Variants in IL1RAP observed in about 807,000 individuals in gnomAD.
The protein encoded by IL1RAP is interleukin-1 receptor accessory protein.
IL1RAP carries 35 observed loss-of-function variants against 60.7 expected under a neutral mutation model. The observed-to-expected ratio is 0.58, with a 90% confidence interval of 0.44 to 0.76. IL1RAP has a LOEUF of 0.76. IL1RAP is among the 30% of genes least tolerant of loss of function. IL1RAP has a pLI of 0.00. For synonymous variants in IL1RAP, 268 were observed against 250.9 expected, an observed-to-expected ratio of 1.07 and a Z score of -0.64; for missense variants, 572 against 693.9, an observed-to-expected ratio of 0.82 and a Z score of 1.97.
Position 190,650,055 on chromosome 3 carries a change from C to T in IL1RAP, c.*1350C>T. 1.6e-6 allele frequency: 1 copy of T among 633,402 alleles called. No homozygotes were observed. The highest frequency in any genetic ancestry group is 2.0e-6 in the Non-Finnish European group (1 of 509,660). 39.2% of individuals were successfully genotyped at this position (633,402 alleles called of 1,614,324 possible). ...ATCTGTGTATATAAATCCACATGCA[C>T]ATGAAATATATATATATATATAATT... On this transcript the variant is annotated 3_prime_UTR_variant, in exon 12 of 12. Transcript: ENST00000447382.
At chr3:190,627,279 GTTTT>G in intron 7 of IL1RAP, 40 bp from the exon 8 acceptor site, 2 of 1,439,408 alleles carry the variant, frequency 1.4e-6, no homozygotes, top group Non-Finnish European at 1.9e-6. Context: ...GTTTTGTTTT[GTTTT>G]GTTTTTTGTT....
At chr3:190,534,974 G>C (rs553505427) in intron 1 of IL1RAP, among the ~76,000 whole-genome samples, 2 of 150,834 alleles carry the variant, frequency 1.3e-5, no homozygotes, top group South Asian at 4.2e-4. Context: ...AGGAAAATGA[G>C]AGTCCTCTGT....
chr3:190,596,426 A>AGCCCTAGAG (rs1729386573), intron 3 of IL1RAP, among the ~76,000 whole-genome samples: 1 of 152,110 alleles, frequency 6.6e-6, no homozygotes, highest in Non-Finnish European at 1.5e-5. Flanking sequence ...CTGGCATGTA[A>AGCCCTAGAG]TGTGGGAATG....
In IL1RAP at chr3:190,627,305, T is replaced by C. The variant is rs781059664; in HGVS notation, c.776-18T>C. 11 of 1,452,998 alleles carry C rather than the reference T, an allele frequency of 7.6e-6. No individual in the cohort carries two copies. Among genetic ancestry groups the C allele is most frequent in the Non-Finnish European group, 8.1e-6 (9 of 1,117,228 alleles). The allele number at this position is 1,452,998 out of a possible 1,614,324, so 90.0% of individuals were successfully genotyped here. On this transcript the variant is annotated intron_variant, in intron 7 of 11. Coordinates refer to ENST00000447382, the MANE Select transcript of IL1RAP (RefSeq NM_002182.4). The stretch of plus-strand genomic sequence containing the variant: ...TTTTGTTTTTTGTTTTTTTTGTTTT[T>C]TTGGTTTTTTTTTTCAGGAGAGGAG...
Position 190,651,187 on chromosome 3 carries a change from G to GT in IL1RAP, c.*2486dup. On this transcript the variant is annotated 3_prime_UTR_variant, in exon 12 of 12. Transcript: ENST00000447382. ...CAAATTTTTTTAAAAAAAATTAATGGTTTTAAATATATGCTATAGGGACGT... is the reference window on the plus strand; with the variant it reads ...CAAATTTTTTTAAAAAAAATTAATGGTTTTTAAATATATGCTATAGGGACGT... 1 of 981,650 alleles carries GT rather than the reference G, an allele frequency of 1.0e-6. No individual in the cohort carries two copies. The highest frequency in any genetic ancestry group is 1.2e-6 in the Non-Finnish European group (1 of 826,664). 60.8% of individuals were successfully genotyped at this position (981,650 alleles called of 1,614,324 possible). A position where few individuals can be genotyped will look rare whatever the true frequency, so the allele number is the denominator to read the frequency against.
At chr3:190,597,380 T>G (rs564746639) in intron 3 of IL1RAP, among the ~76,000 whole-genome samples, 10 of 152,292 alleles carry the variant, frequency 6.6e-5, no homozygotes, top group African/African-American at 2.4e-4. Flanking sequence ...CTCAGTGACT[T>G]AAGACAATAG....
At chr3:190,628,155 G>A (rs1732473777) in intron 8 of IL1RAP, among the ~76,000 whole-genome samples, 1 of 152,088 alleles carries the variant, frequency 6.6e-6, no homozygotes, top group African/African-American at 2.4e-5. Flanking sequence ...TGGAAAGTGT[G>A]CGTCCTTGAA....
chr3:190,515,606 A>G (rs1721444376), intron 1 of IL1RAP, among the ~76,000 whole-genome samples: 1 of 152,028 alleles, frequency 6.6e-6, no homozygotes, highest in Non-Finnish European at 1.5e-5. Context: ...TCTCGGTGAT[A>G]TGAATTTCCT....
intron 1 of IL1RAP, among the ~76,000 whole-genome samples, chr3:190,544,704 A>C (rs1484592191): frequency 6.6e-6 from 1 of 152,190 alleles, no homozygotes; most frequent in Non-Finnish European, 1.5e-5. Flanking sequence ...AGATGTTACT[A>C]AACAAGAATT....
chr3:190,645,582 G>T, intron 10 of IL1RAP, 117 bp from the exon 11 acceptor site: 3 of 771,684 alleles, frequency 3.9e-6, no homozygotes, highest in East Asian at 2.6e-5. Flanking sequence ...GTAGAAAATC[G>T]CACTGGAATC....
chr3:190,576,151 A>C (rs541087543), intron 3 of IL1RAP, among the ~76,000 whole-genome samples: 22 of 152,220 alleles, frequency 1.4e-4, no homozygotes, highest in Non-Finnish European at 2.5e-4. Context: ...AAACCCTAAG[A>C]GTAGTAGAAA....
At chr3:190,648,289 T>G (rs1734178596) in intron 11 of IL1RAP, 49 bp from the exon 12 acceptor site, 2 of 1,527,862 alleles carry the variant, frequency 1.3e-6, no homozygotes, top group Non-Finnish European at 1.7e-6. Flanking sequence ...TCAATGCTTT[T>G]GGGGAGTTTT....
intron 3 of IL1RAP, among the ~76,000 whole-genome samples, chr3:190,586,413 C>A (rs971702034): frequency 2.6e-5 from 4 of 152,306 alleles, no homozygotes; most frequent in African/African-American, 9.6e-5. Flanking sequence ...GTGACCCAGA[C>A]AGAAGAGGTG....
chr3:190,568,399 A>G (rs71310871), intron 3 of IL1RAP, among the ~76,000 whole-genome samples: 2,354 of 152,272 alleles, frequency 0.015, 19 homozygotes, highest in Non-Finnish European at 0.025. Context: ...TTATTTTTCC[A>G]TACTATAATT....
chr3:190,630,360 T>G, intron 9 of IL1RAP: 1 of 214,330 alleles, frequency 4.7e-6, no homozygotes, highest in Non-Finnish European at 7.9e-6. Flanking sequence ...AAGGATGTTT[T>G]CAATGGTCTT....
chr3:190,619,293 G>A (rs931213270), intron 5 of IL1RAP, among the ~76,000 whole-genome samples: 10 of 152,086 alleles, frequency 6.6e-5, no homozygotes, highest in African/African-American at 2.4e-4. Context: ...AGATAGTTGT[G>A]GACTGAGATA....
intron 1 of IL1RAP, among the ~76,000 whole-genome samples, chr3:190,549,750 A>T (rs1724700333): frequency 6.6e-6 from 1 of 152,084 alleles, no homozygotes; most frequent in Non-Finnish European, 1.5e-5. Flanking sequence ...TTGGGAAATT[A>T]ACTTTCCCAG....
rs143282083 is a variant in IL1RAP, at chr3:190,588,792, G to A, written c.65-15336G>A. ...TTCTCTTTCCCAATAAACGTATGAG[G>A]CAAATGTTCTCAACCTTAGCACTAT... On this transcript the variant is annotated intron_variant, in intron 3 of 11. Coordinates refer to ENST00000447382, the MANE Select transcript of IL1RAP (RefSeq NM_002182.4). Among the ~76,000 whole-genome samples, 5 of 152,142 alleles carry A rather than the reference G, an allele frequency of 3.3e-5. No individual in the cohort carries two copies. The East Asian group carries it at 9.7e-4, about 29-fold the overall frequency.
At chr3:190,639,278 C>T (rs188077930) in intron 9 of IL1RAP, among the ~76,000 whole-genome samples, 541 of 152,226 alleles carry the variant, frequency 3.6e-3, no homozygotes, top group Non-Finnish European at 6.2e-3. Flanking sequence ...CCACTGCTAT[C>T]CAATTAGTAG....
Sources: allele counts gnomAD v4.1 joint callset (sites outside exome capture counted in the v4.1 genomes callset), GRCh38; gene constraint gnomAD v4.1.1; transcripts MANE v1.5; gene names NCBI Gene and HGNC (gene_info 2026-07-23, HGNC 2026-07-21).